MDM1: variants seen among roughly 807,000 people sequenced by gnomAD.
The protein encoded by MDM1 is stabilizer of axonemal microtubules 6, also known as Mdm1 nuclear protein.
A neutral mutation model predicts 89.1 loss-of-function variants in MDM1; 61 were observed. The observed-to-expected ratio is 0.68, with a 90% CI of 0.56 to 0.85. MDM1 has a LOEUF of 0.85. MDM1 is among the 40% of genes least tolerant of loss of function. The probability of loss-of-function intolerance (pLI) is 0.00; values close to 1 mark genes in which losing one functional copy is unlikely to be tolerated. For synonymous variants in MDM1, 290 were observed against 294.1 expected (o/e 0.99, Z 0.14); for missense variants, 820 against 846.5 (o/e 0.97, Z 0.39).
intron 12 of MDM1, among the ~76,000 whole-genome samples, chr12:68,312,108 TTC>T (rs1320405853): frequency 1.3e-5 from 2 of 152,140 alleles, no homozygotes; most frequent in Admixed American, 6.6e-5. Flanking sequence ...ACAACTATTC[TTC>T]TCTGTCTACA....
At chr12:68,308,472 T>C (rs971701464) in intron 12 of MDM1, among the ~76,000 whole-genome samples, 4 of 152,206 alleles carry the variant, frequency 2.6e-5, no homozygotes, top group African/African-American at 4.8e-5. Context: ...GATCTCTGCA[T>C]GGGCACCTTC....
At chr12:68,316,444 A>C (rs1874520648) in intron 8 of MDM1, 137 bp downstream of exon 8, 4 of 935,716 alleles carry the variant, frequency 4.3e-6, no homozygotes. Flanking sequence ...AGCATGATGC[A>C]GTTATTTTAT....
intron 3 of MDM1, chr12:68,325,959 C>T (rs1406652828): frequency 2.0e-6 from 2 of 995,110 alleles, no homozygotes; most frequent in African/African-American, 1.7e-5. Flanking sequence ...TCACACATCA[C>T]CTTCCTTGTT....
chr12:68,295,125 T>A lies in MDM1; in HGVS notation c.*129A>T. On this transcript the variant is annotated 3_prime_UTR_variant, in exon 15 of 15. Transcript: ENST00000682720. ...ATGTTAACAATTTCCAAGTAAACTG[T>A]TCTATTGGAAATTAAATATTTCAAA... is the stretch of plus-strand genomic sequence containing the variant. The A allele has an allele frequency of 1.7e-6, 1 of 581,272 alleles. No individual in the cohort carries two copies. Among genetic ancestry groups the A allele is most frequent in the Non-Finnish European group, 3.1e-6 (1 of 324,128 alleles). 36.0% of individuals were successfully genotyped at this position (581,272 alleles called of 1,614,324 possible).
intron 3 of MDM1, 159 bp from the exon 4 acceptor site, chr12:68,325,734 A>T (rs1875877628): frequency 2.4e-5 from 30 of 1,269,800 alleles, no homozygotes; most frequent in Non-Finnish European, 3.0e-5. Flanking sequence ...TGGTACAGCA[A>T]ACTTTCTTCA....
At chr12:68,322,662 A>G (rs1193905557) in intron 5 of MDM1, among the ~76,000 whole-genome samples, 1 of 152,200 alleles carries the variant, frequency 6.6e-6, no homozygotes. Flanking sequence ...TAAAATACAT[A>G]TAAGTATGTA....
chr12:68,303,198 A>C (rs540587493), intron 12 of MDM1, among the ~76,000 whole-genome samples: 2 of 152,326 alleles, frequency 1.3e-5, no homozygotes, highest in East Asian at 3.9e-4. Flanking sequence ...AAAGTAGAAA[A>C]AGGATATGAA....
At chr12:68,308,050 C>G (rs1253122278) in intron 12 of MDM1, among the ~76,000 whole-genome samples, 1 of 151,632 alleles carries the variant, frequency 6.6e-6, no homozygotes, top group African/African-American at 2.4e-5. Flanking sequence ...CTCCCCTTCC[C>G]TCTCCAGGCT....
rs1482228430 is a variant in MDM1 at position 68,326,743 on chromosome 12, C to T, written c.412G>A (p.Glu138Lys). The change falls in exon 3 of 15, where the codon GAG becomes AAG. Residue 138 changes from glutamate to lysine, a missense_variant. By Grantham distance (56) the Glu-to-Lys change is moderately conservative (BLOSUM62 1). Coordinates refer to ENST00000682720, the MANE Select transcript of MDM1 (RefSeq NM_001354969.2). Reference sequence around the variant, plus strand: ...ACTGGTGTATGGTTTGTTACACCCTCATTATTTTCCACATCTGAAGCCCCT... The same window carrying T: ...ACTGGTGTATGGTTTGTTACACCCTTATTATTTTCCACATCTGAAGCCCCT... ...AEGASDVENN[E>K]GVTNHTPVNE... The T allele has an allele frequency of 1.2e-6, 2 of 1,614,008 alleles. No homozygotes were observed. Among genetic ancestry groups the T allele is most frequent in the Admixed American group, 1.7e-5 (1 of 60,000 alleles).
intron 12 of MDM1, among the ~76,000 whole-genome samples, chr12:68,305,986 G>A (rs1262363172): frequency 6.7e-6 from 1 of 148,924 alleles, no homozygotes; most frequent in Non-Finnish European, 1.5e-5. Context: ...GAACAAAGCT[G>A]GAGGCATTAC....
At chr12:68,330,646 T>C (rs1254221728) in intron 2 of MDM1, 1 of 153,538 alleles carries the variant, frequency 6.5e-6, no homozygotes, top group East Asian at 1.9e-4. Context: ...AATAAATTTG[T>C]GGAGGCCTGG....
Position 68,302,719 on chromosome 12 carries a change from G to T in MDM1, c.1903C>A (p.Pro635Thr), listed in dbSNP as rs201929641. 70 of 1,614,016 alleles carry T rather than the reference G, an allele frequency of 4.3e-5. No homozygotes were observed. In the South Asian group the frequency reaches 7.0e-4, roughly 16 times the overall value. Residue 635 changes from proline (P) to threonine (T), a missense_variant, in exon 13 of 15, where the codon CCC (proline) becomes ACC (threonine). Transcript: ENST00000682720. ...GGTGGAGAAGGCAACTGTCCAGGGG[G>T]ATTTGTTGGGTATTTTGGAATTTTT... ...VSKIPKYPTN[P>T]PGQLPSPPHV...
At chr12:68,324,092 T>C (rs1037557271) in intron 4 of MDM1, among the ~76,000 whole-genome samples, 2 of 152,132 alleles carry the variant, frequency 1.3e-5, no homozygotes, top group African/African-American at 2.4e-5. Flanking sequence ...TGCTTTGAAC[T>C]AACCATGAGC....
intron 4 of MDM1, 51 bp from the exon 5 acceptor site, chr12:68,323,291 C>A: frequency 7.4e-7 from 1 of 1,350,726 alleles, no homozygotes; most frequent in Admixed American, 2.6e-5. Flanking sequence ...ATATGCGGAA[C>A]TTTGGTCTTC....
chr12:68,325,407 G>T, intron 4 of MDM1, 34 bp downstream of exon 4: 1 of 1,454,308 alleles, frequency 6.9e-7, no homozygotes, highest in Admixed American at 2.5e-5. Context: ...ATAAGATAAT[G>T]GTACTCAGAA....
chr12:68,305,798 G>A (rs1872786751), intron 12 of MDM1, among the ~76,000 whole-genome samples: 3 of 151,618 alleles, frequency 2.0e-5, no homozygotes, highest in African/African-American at 4.8e-5. Flanking sequence ...CGGAAGAATC[G>A]ATATTGTTAA....
At chr12:68,322,504 T>G (rs1240002059) in intron 5 of MDM1, among the ~76,000 whole-genome samples, 1 of 151,984 alleles carries the variant, frequency 6.6e-6, no homozygotes, top group Admixed American at 6.6e-5. Flanking sequence ...CATGGTGGCG[T>G]GCATCTGTAG....
intron 12 of MDM1, 115 bp from the exon 13 acceptor site, chr12:68,302,987 A>ACCCCC: frequency 1.2e-6 from 1 of 867,514 alleles, no homozygotes; most frequent in Non-Finnish European, 1.7e-6. Context: ...GAAATATGAG[A>ACCCCC]GAATTTATGC....
At chr12:68,309,453 T>A (rs1383260457) in intron 12 of MDM1, among the ~76,000 whole-genome samples, 1 of 152,236 alleles carries the variant, frequency 6.6e-6, no homozygotes, top group Non-Finnish European at 1.5e-5. Context: ...TTAGTTTTAA[T>A]TTCATTTCTT....
Sources: gnomAD v4.1 joint callset for allele counts (sites outside exome capture counted in the v4.1 genomes callset) on GRCh38, gnomAD v4.1.1 for gene constraint, MANE v1.5 for transcripts, NCBI Gene and HGNC (gene_info 2026-07-23, HGNC 2026-07-21) for gene names.